PAPPA2: variants seen among roughly 807,000 people sequenced by gnomAD.
The protein encoded by PAPPA2 is pappalysin-2.
A neutral mutation model predicts 176.4 loss-of-function variants in PAPPA2; 86 were observed. The ratio of observed to expected loss-of-function variants is 0.49; its 90% CI spans 0.41 to 0.58. The LOEUF is 0.58. Among genes scored for constraint, PAPPA2 ranks in the 20% least tolerant of loss-of-function variants. PAPPA2 has a pLI of 0.00. For synonymous variants in PAPPA2, 809 were observed against 852.2 expected, an observed-to-expected ratio of 0.95 and a Z score of 0.88; for missense variants, 2,073 against 2,256.9, an observed-to-expected ratio of 0.92 and a Z score of 1.65.
chr1:176,781,677 T>C (rs1475929105), intron 17 of PAPPA2, among the ~76,000 whole-genome samples: 2 of 152,102 alleles, frequency 1.3e-5, no homozygotes, highest in Non-Finnish European at 2.9e-5. Context: ...GAACCGTGTC[T>C]TTTAAAATGG....
At chr1:176,628,054 C>T (rs148914283) in intron 3 of PAPPA2, among the ~76,000 whole-genome samples, 115 of 152,158 alleles carry the variant, frequency 7.6e-4, no homozygotes, top group Non-Finnish European at 1.3e-3. Flanking sequence ...AAGGGCCACT[C>T]GAGATTAAAG....
intron 3 of PAPPA2, among the ~76,000 whole-genome samples, chr1:176,665,115 A>G (rs1337023175): frequency 1.3e-5 from 2 of 152,152 alleles, no homozygotes; most frequent in East Asian, 3.9e-4. Flanking sequence ...GAAGATTGTG[A>G]GCATTTTCTT....
chr1:176,623,572 TTCCC>T (rs879628345), intron 3 of PAPPA2, among the ~76,000 whole-genome samples: 9,254 of 79,932 alleles, frequency 0.12, 516 homozygotes, highest in South Asian at 0.17. Context: ...CCTTCCTTCC[TTCCC>T]TCCTTCCTTC....
At chr1:176,623,627 T>TTTTCTTTCTTTCTTTCTTTC (rs1558479113) in intron 3 of PAPPA2, among the ~76,000 whole-genome samples, 18 of 81,976 alleles carry the variant, frequency 2.2e-4, no homozygotes, top group African/African-American at 8.7e-4. Flanking sequence ...TCCTTCCTTT[T>TTTTCTTTCTTTCTTTCTTTC]TTACTTTCTT....
intron 17 of PAPPA2, among the ~76,000 whole-genome samples, chr1:176,771,795 C>T (rs1664238828): frequency 6.6e-6 from 1 of 152,138 alleles, no homozygotes; most frequent in Non-Finnish European, 1.5e-5. Context: ...CACTTTTCCT[C>T]CAATGTCGTG....
chr1:176,534,997 T>G (rs1238078696), intron 1 of PAPPA2, among the ~76,000 whole-genome samples: 2 of 152,166 alleles, frequency 1.3e-5, no homozygotes, highest in African/African-American at 4.8e-5. Flanking sequence ...GTGTTCCTTG[T>G]GCTCTGGTTC....
At chr1:176,535,657 T>C (rs1650032547) in intron 1 of PAPPA2, among the ~76,000 whole-genome samples, 1 of 152,148 alleles carries the variant, frequency 6.6e-6, no homozygotes, top group Admixed American at 6.5e-5. Flanking sequence ...ATAGCAGCTA[T>C]GAGAATGGGA....
chr1:176,734,515 C>A (rs1224026608), intron 12 of PAPPA2, among the ~76,000 whole-genome samples: 1 of 152,014 alleles, frequency 6.6e-6, no homozygotes, highest in Non-Finnish European at 1.5e-5. Context: ...TGGGCAGGGG[C>A]TCAAACATCA....
chr1:176,817,205 A>T (rs1160100048), intron 21 of PAPPA2, among the ~76,000 whole-genome samples: 1 of 152,178 alleles, frequency 6.6e-6, no homozygotes, highest in Non-Finnish European at 1.5e-5. Context: ...GGCCTTGAAG[A>T]ATAATAATTC....
intron 14 of PAPPA2, among the ~76,000 whole-genome samples, chr1:176,745,330 A>AT (rs1662857320): frequency 6.6e-6 from 1 of 152,174 alleles, no homozygotes; most frequent in Non-Finnish European, 1.5e-5. Context: ...TACAGCAGAC[A>AT]TTTTTTCAGT....
intron 21 of PAPPA2, among the ~76,000 whole-genome samples, chr1:176,815,219 C>T (rs958355397): frequency 3.3e-5 from 5 of 152,132 alleles, no homozygotes; most frequent in African/African-American, 1.2e-4. Context: ...TAAATTGCAG[C>T]AAACAGCATG....
intron 17 of PAPPA2, among the ~76,000 whole-genome samples, chr1:176,772,078 G>A (rs1199169209): frequency 6.6e-6 from 1 of 152,190 alleles, no homozygotes; most frequent in Non-Finnish European, 1.5e-5. Context: ...ATCCAGCCCA[G>A]TGCCTGGCTT....
intron 3 of PAPPA2, among the ~76,000 whole-genome samples, chr1:176,670,095 A>G (rs1462922545): frequency 1.3e-5 from 2 of 152,168 alleles, no homozygotes; most frequent in Non-Finnish European, 2.9e-5. Flanking sequence ...GTTCCTTCTT[A>G]AAAAACACTT....
intron 17 of PAPPA2, among the ~76,000 whole-genome samples, chr1:176,773,650 G>C (rs1007208801): frequency 2.6e-5 from 4 of 152,160 alleles, no homozygotes; most frequent in Non-Finnish European, 1.5e-5. Context: ...CAACAATGTT[G>C]TTTTGAGGCT....
intron 3 of PAPPA2, among the ~76,000 whole-genome samples, chr1:176,664,841 C>T (rs887810337): frequency 6.6e-6 from 1 of 152,128 alleles, no homozygotes; most frequent in Non-Finnish European, 1.5e-5. Context: ...ATTTGAATTT[C>T]AAGAAACAGA....
intron 1 of PAPPA2, among the ~76,000 whole-genome samples, chr1:176,490,155 T>G (rs1652828901): frequency 6.6e-6 from 1 of 152,090 alleles, no homozygotes; most frequent in African/African-American, 2.4e-5. Context: ...TTTTTTTTTT[T>G]TGCTTTGGTT....
Position 176,557,172 on chromosome 1 carries a change from CG to C in PAPPA2, c.853del (p.Glu285ArgfsTer63), listed in dbSNP as rs1651365729. ...LRPEVLAEIP[R>X]EAFTVEAWVK... The stretch of plus-strand genomic sequence containing the variant: ...TCCAGAAGTGCTGGCTGAGATTCCC[CG>C]GGAGGCGTTCACAGTGGAAGCCTGG... On this transcript the variant is annotated frameshift_variant, in exon 2 of 23. Transcript: ENST00000367662. LOFTEE classifies it high-confidence loss of function. 6.2e-7 allele frequency: 1 copy of C among 1,613,252 alleles called. No individual in the cohort carries two copies. Among genetic ancestry groups the C allele is most frequent in the Admixed American group, 1.7e-5 (1 of 59,920 alleles).
At chr1:176,537,712 G>C (rs1396439403) in intron 1 of PAPPA2, among the ~76,000 whole-genome samples, 1 of 144,070 alleles carries the variant, frequency 6.9e-6, no homozygotes, top group Admixed American at 7.2e-5. Context: ...CAAGGCAGTA[G>C]GTATGGAGTG....
At chr1:176,730,942 AT>A (rs900477560) in intron 12 of PAPPA2, among the ~76,000 whole-genome samples, 2 of 151,778 alleles carry the variant, frequency 1.3e-5, no homozygotes, top group African/African-American at 4.8e-5. Flanking sequence ...TTTATTAGAT[AT>A]TTTTTTCTCC....
Sources: allele counts gnomAD v4.1 joint callset (sites outside exome capture counted in the v4.1 genomes callset), GRCh38; gene constraint gnomAD v4.1.1; transcripts MANE v1.5; gene names NCBI Gene and HGNC (gene_info 2026-07-23, HGNC 2026-07-21).